NTN4: variants seen among roughly 807,000 people sequenced by gnomAD.
The protein encoded by NTN4 is netrin-4.
Under a neutral mutation model 73.6 loss-of-function variants are expected in NTN4, and 32 were observed. The observed-to-expected ratio is 0.44, with a 90% CI of 0.33 to 0.58. The LOEUF is 0.58. NTN4 is among the 20% of genes least tolerant of loss of function. The pLI is 0.04. For missense variants in NTN4, 654 were observed against 798.3 expected, an observed-to-expected ratio of 0.82 and a Z score of 2.18; for synonymous variants, 258 against 287.5, an observed-to-expected ratio of 0.90 and a Z score of 1.04.
intron 7 of NTN4, among the ~76,000 whole-genome samples, chr12:95,675,072 A>G (rs2078263090): frequency 6.6e-6 from 1 of 152,264 alleles, no homozygotes; most frequent in African/African-American, 2.4e-5. Context: ...AGTGGCTATT[A>G]AAGTTAAAAT....
At chr12:95,662,238 T>TA (rs559215126) in intron 9 of NTN4, among the ~76,000 whole-genome samples, 13 of 145,018 alleles carry the variant, frequency 9.0e-5, no homozygotes, top group Non-Finnish European at 1.7e-4. Flanking sequence ...TTTCTTTCTT[T>TA]TTTTTTTTTT....
chr12:95,734,332 C>G (rs926244395), intron 3 of NTN4, among the ~76,000 whole-genome samples: 1 of 152,086 alleles, frequency 6.6e-6, no homozygotes, highest in Non-Finnish European at 1.5e-5. Flanking sequence ...ATTAGAACAC[C>G]TGGAGGGGTT....
At chr12:95,660,393 CAT>C (rs1163855827) in intron 9 of NTN4, among the ~76,000 whole-genome samples, 1 of 152,012 alleles carries the variant, frequency 6.6e-6, no homozygotes, top group East Asian at 1.9e-4. Context: ...GAAAATAACA[CAT>C]ATTCCCTATA....
chr12:95,771,093 C>T (rs933023874), intron 2 of NTN4, among the ~76,000 whole-genome samples: 2 of 151,088 alleles, frequency 1.3e-5, no homozygotes, highest in African/African-American at 2.5e-5. Flanking sequence ...GGGTTCACGC[C>T]ATTCTCCTGC....
At position 95,790,184 on chromosome 12, in the gene NTN4, C is replaced by T. The variant is rs2079197812; in HGVS notation, c.55+71G>A. ...CGCTCGCAGCCCTGGCTCCCCTGCA[C>T]CCCCGAGTCCCGAGATGGGTTAGAG... On this transcript the variant is annotated intron_variant, in intron 1 of 9. Coordinates refer to ENST00000343702, the MANE Select transcript of NTN4 (RefSeq NM_021229.4). The surrounding 1 kb of genome is among the most constrained non-coding windows in gnomAD (Gnocchi z 6.5). The T allele has an allele frequency of 3.6e-6, 5 of 1,388,378 alleles. No homozygotes were observed. The highest frequency in any genetic ancestry group is 4.9e-6 in the Non-Finnish European group (5 of 1,024,156). The allele number at this position is 1,388,378 out of a possible 1,614,324, so 86.0% of individuals were successfully genotyped here.
intron 2 of NTN4, among the ~76,000 whole-genome samples, chr12:95,784,435 G>A (rs79946691): frequency 0.012 from 1,765 of 152,246 alleles, 31 homozygotes; most frequent in African/African-American, 0.04. Flanking sequence ...ATGCTCTAGA[G>A]GGAACTAGGT....
intron 8 of NTN4, among the ~76,000 whole-genome samples, chr12:95,669,385 C>T (rs2078208922): frequency 6.6e-6 from 1 of 152,058 alleles, no homozygotes; most frequent in Non-Finnish European, 1.5e-5. Context: ...ATAGGGGTAT[C>T]TAGAGTATAC....
intron 2 of NTN4, among the ~76,000 whole-genome samples, chr12:95,744,780 C>T (rs2078849381): frequency 6.7e-6 from 1 of 149,098 alleles, no homozygotes; most frequent in Admixed American, 6.7e-5. Context: ...CATCTGGTAT[C>T]ATTTTTCTTC....
chr12:95,761,573 T>C (rs543172437), intron 2 of NTN4, among the ~76,000 whole-genome samples: 38 of 152,272 alleles, frequency 2.5e-4, no homozygotes, highest in Non-Finnish European at 3.8e-4. Flanking sequence ...CCTGAAGCGA[T>C]CTGCCCACCT....
At chr12:95,738,176 T>C (rs373362491) in intron 2 of NTN4, 32 bp from the exon 3 acceptor site, 47 of 1,583,934 alleles carry the variant, frequency 3.0e-5, no homozygotes, top group Admixed American at 5.2e-5. Flanking sequence ...CATGCGTTTA[T>C]AGGACTGTGC....
At chr12:95,722,973 CAAAAAAAAAA>C (rs71087998) in intron 3 of NTN4, among the ~76,000 whole-genome samples, 4 of 55,374 alleles carry the variant, frequency 7.2e-5, no homozygotes, top group East Asian at 5.9e-4. Context: ...GACTCTGTCT[CAAAAAAAAAA>C]AAAAAAAAAA....
intron 3 of NTN4, among the ~76,000 whole-genome samples, chr12:95,733,890 C>A (rs1210630804): frequency 6.6e-6 from 1 of 151,626 alleles, no homozygotes; most frequent in East Asian, 1.9e-4. Flanking sequence ...GCCTACAGGG[C>A]GAAACCCCAT....
intron 2 of NTN4, among the ~76,000 whole-genome samples, chr12:95,765,840 C>T (rs371959372): frequency 1.8e-4 from 28 of 152,238 alleles, no homozygotes; most frequent in African/African-American, 5.8e-4. Context: ...AGGAAGAATC[C>T]AAGGCCCCTA....
intron 2 of NTN4, among the ~76,000 whole-genome samples, chr12:95,765,866 C>T (rs993995795): frequency 1.2e-4 from 18 of 152,064 alleles, no homozygotes; most frequent in African/African-American, 3.6e-4. Flanking sequence ...CAGAGATAGC[C>T]TTTTAGGGTA....
At chr12:95,727,358 A>G (rs996633077) in intron 3 of NTN4, among the ~76,000 whole-genome samples, 2 of 152,162 alleles carry the variant, frequency 1.3e-5, no homozygotes, top group Non-Finnish European at 2.9e-5. Context: ...ATTTGAAAGT[A>G]TTTACTCCCA....
chr12:95,723,158 GA>G, intron 3 of NTN4, among the ~76,000 whole-genome samples: 1 of 151,988 alleles, frequency 6.6e-6, no homozygotes, highest in Middle Eastern at 3.4e-3. Flanking sequence ...TGAGGCCAGC[GA>G]TAGACTATCT....
At chr12:95,762,978 T>C (rs1321989008) in intron 2 of NTN4, among the ~76,000 whole-genome samples, 2 of 152,230 alleles carry the variant, frequency 1.3e-5, no homozygotes, top group Admixed American at 1.3e-4. Flanking sequence ...GTGTCTCTCA[T>C]CATCAGTGTC....
intron 5 of NTN4, among the ~76,000 whole-genome samples, chr12:95,689,614 A>C (rs2078387174): frequency 1.3e-5 from 2 of 152,178 alleles, no homozygotes; most frequent in African/African-American, 4.8e-5. Flanking sequence ...TTAAAGACAG[A>C]ACTTTTGACA....
intron 3 of NTN4, among the ~76,000 whole-genome samples, chr12:95,736,478 T>C (rs1257513813): frequency 1.3e-5 from 2 of 152,188 alleles, no homozygotes; most frequent in Non-Finnish European, 2.9e-5. Flanking sequence ...ACAAATTCAC[T>C]AAAATGTCAT....
Sources: allele counts gnomAD v4.1 joint callset (sites outside exome capture counted in the v4.1 genomes callset), GRCh38; gene constraint gnomAD v4.1.1; non-coding constraint Gnocchi (gnomAD v3.1); transcripts MANE v1.5; gene names NCBI Gene and HGNC (gene_info 2026-07-23, HGNC 2026-07-21).